LRRC56: variants seen among roughly 807,000 people sequenced by gnomAD.
The protein encoded by LRRC56 is leucine-rich repeat-containing protein 56.
Under a neutral mutation model 47.8 loss-of-function variants are expected in LRRC56, and 41 were observed. The observed-to-expected ratio is 0.86, with a 90% confidence interval of 0.67 to 1.11. LRRC56 has a LOEUF of 1.11. Ranked by LOEUF, LRRC56 falls within the 50% of genes most tolerant of loss-of-function variation. The pLI, the probability that LRRC56 is intolerant of heterozygous loss-of-function variation, is 0.00. For missense variants in LRRC56, 759 were observed against 704.2 expected (o/e 1.08, Z -0.88); for synonymous variants, 387 against 311.2 (o/e 1.24, Z -2.56).
chr11:518,336 C>A, the LRRC56 span, among the ~76,000 whole-genome samples: 1 of 152,062 alleles, frequency 6.6e-6, no homozygotes, highest in Non-Finnish European at 1.5e-5. Context: ...TGCCCGCCAC[C>A]ACGCCCAGCT....
chr11:528,632 G>A, the LRRC56 span: 2 of 152,230 alleles, frequency 1.3e-5, no homozygotes, highest in African/African-American at 4.8e-5. Context: ...GCCGAGTGTG[G>A]TGCCTCCGCG....
upstream of LRRC56, chr11:532,603 T>TGGCGGCCGC: frequency 6.2e-7 from 1 of 1,600,028 alleles, no homozygotes; most frequent in Non-Finnish European, 8.5e-7. Flanking sequence ...CCGGTGGGCG[T>TGGCGGCCGC]GGCGGCCGCC....
At chr11:517,039 G>A in the LRRC56 span, among the ~76,000 whole-genome samples, 14,825 of 152,196 alleles carry the variant, frequency 0.097, 1,001 homozygotes, top group Admixed American at 0.19. Context: ...TGGAGGAGAC[G>A]GGGTTTTGCC....
chr11:524,629 C>G, the LRRC56 span, among the ~76,000 whole-genome samples: 2 of 151,476 alleles, frequency 1.3e-5, no homozygotes, highest in African/African-American at 4.9e-5. Flanking sequence ...GAAACTCTGT[C>G]TCAAAAAAAT....
At chr11:511,097 G>A in the LRRC56 span, among the ~76,000 whole-genome samples, 7 of 152,100 alleles carry the variant, frequency 4.6e-5, no homozygotes, top group Middle Eastern at 3.4e-3. Flanking sequence ...CGAGGCGGGC[G>A]GATCACAAGG....
upstream of LRRC56, chr11:532,846 G>A: frequency 7.5e-7 from 1 of 1,329,460 alleles, no homozygotes; most frequent in South Asian, 1.2e-5. Context: ...GCCTTGCCTG[G>A]CCCGAAGCTC....
chr11:509,290 T>G, the LRRC56 span, among the ~76,000 whole-genome samples: 1 of 152,244 alleles, frequency 6.6e-6, no homozygotes. Flanking sequence ...CTGGTTCTCT[T>G]GACATCTTTG....
chr11:532,539 G>C, upstream of LRRC56: 1 of 1,524,504 alleles, frequency 6.6e-7, no homozygotes, highest in Non-Finnish European at 8.8e-7. Context: ...GGGGCACAAG[G>C]GAGGCTGCTG....
upstream of LRRC56, chr11:534,358 C>G (rs1413656344): frequency 5.2e-6 from 8 of 1,541,254 alleles, no homozygotes; most frequent in Non-Finnish European, 7.1e-6. Context: ...GGTCCTCCTA[C>G]AGGGTCTCCT....
intron 6 of LRRC56, among the ~76,000 whole-genome samples, chr11:547,622 G>C (rs1852157596): frequency 6.6e-6 from 1 of 151,952 alleles, no homozygotes; most frequent in African/African-American, 2.4e-5. Context: ...AAAATGCTGG[G>C]ATTACAGGCG....
chr11:554,038 G>C lies in LRRC56; in HGVS notation c.1391G>C (p.Ser464Thr), dbSNP rs1210949481. ...KHPRPRDSGS[S>T]SPRWSTDLQS... ...CCAAGGCCACGAGATTCTGGCAGCAGCTCCCCGCGGTGGTCGACAGACCTG... is the reference window on the plus strand; with the variant it reads ...CCAAGGCCACGAGATTCTGGCAGCACCTCCCCGCGGTGGTCGACAGACCTG... The change falls in exon 14 of 14, where the codon AGC becomes ACC. Residue 464 changes from serine to threonine, a missense_variant. Transcript: ENST00000270115. 6.2e-7 allele frequency: 1 copy of C among 1,611,906 alleles called. No individual in the cohort carries two copies. The highest frequency in any genetic ancestry group is 1.7e-5 in the Admixed American group (1 of 59,986).
rs1012278851 is a variant in LRRC56, at chr11:544,030, G to A, written c.266-690G>A. Among the ~76,000 whole-genome samples the A allele has an allele frequency of 2.6e-5, 4 of 152,248 alleles. No homozygotes were observed. In the South Asian group the frequency reaches 8.3e-4, roughly 31 times the overall value. ...CCCAAAGTGCTGGGATTACAGGCGT[G>A]AGCCACCGCACCCAGCCACTCTGCA... On this transcript the variant is annotated intron_variant, in intron 5 of 13. Coordinates refer to ENST00000270115, the MANE Select transcript of LRRC56 (RefSeq NM_198075.4).
intron 11 of LRRC56, 26 bp from the exon 12 acceptor site, chr11:552,064 C>T (rs1852425765): frequency 6.2e-7 from 1 of 1,608,346 alleles, no homozygotes; most frequent in Non-Finnish European, 8.5e-7. Context: ...GCCAGAATCC[C>T]TAAAGCAGTC....
upstream of LRRC56, chr11:534,039 GCC>G (rs769056797): frequency 5.1e-6 from 7 of 1,380,304 alleles, no homozygotes; most frequent in Non-Finnish European, 7.1e-6. Context: ...TGCCCCTCAT[GCC>G]CCCTCCTCTC....
At chr11:535,308 C>CTG (rs1223400023), upstream of LRRC56, 2 of 146,296 alleles carry the variant, frequency 1.4e-5, no homozygotes, top group African/African-American at 4.9e-5. Context: ...GCCGCCGCCG[C>CTG]CGCCGCTTAC....
intron 12 of LRRC56, 110 bp downstream of exon 12, chr11:552,342 C>T (rs1852445096): frequency 3.5e-6 from 5 of 1,428,364 alleles, no homozygotes; most frequent in South Asian, 1.3e-5. Context: ...TGGACCATCC[C>T]TGCATGTCCT....
chr11:516,411 A>G, the LRRC56 span, among the ~76,000 whole-genome samples: 2 of 152,020 alleles, frequency 1.3e-5, no homozygotes, highest in African/African-American at 4.8e-5. Context: ...AAAAACCCAA[A>G]TCTTGAAGCC....
At chr11:525,922 G>A in the LRRC56 span, among the ~76,000 whole-genome samples, 1 of 151,340 alleles carries the variant, frequency 6.6e-6, no homozygotes, top group African/African-American at 2.4e-5. Flanking sequence ...TAGGCCAGGC[G>A]CGGTGGCTCA....
chr11:535,546 G>A (rs1346571114), upstream of LRRC56: 1 of 148,552 alleles, frequency 6.7e-6, no homozygotes, highest in East Asian at 2.0e-4. Context: ...TGCGGGCGCA[G>A]GGCACGGGCG....
Sources: gnomAD v4.1 joint callset for allele counts (sites outside exome capture counted in the v4.1 genomes callset) on GRCh38, gnomAD v4.1.1 for gene constraint, MANE v1.5 for transcripts, NCBI Gene and HGNC (gene_info 2026-07-23, HGNC 2026-07-21) for gene names.